PRDM15: variants seen among roughly 807,000 people sequenced by gnomAD.
PRDM15 encodes the protein PR/SET domain 15.
In PRDM15, 64 loss-of-function variants were observed where a neutral mutation model predicts 128.6. That is an observed-to-expected ratio of 0.50 (90% CI 0.41 to 0.61). PRDM15 has a LOEUF of 0.61. Among genes scored for constraint, PRDM15 ranks in the 20% least tolerant of loss-of-function variants. The probability of loss-of-function intolerance (pLI) is 0.00; values close to 1 mark genes in which losing one functional copy is unlikely to be tolerated. For missense variants in PRDM15, 1,242 were observed against 1,569.1 expected (o/e 0.79, Z 3.52); for synonymous variants, 615 against 621.8 (o/e 0.99, Z 0.16).
At chr21:41,863,289 C>G (rs2063887122) in intron 1 of PRDM15, 1 of 152,106 alleles carries the variant, frequency 6.6e-6, no homozygotes, top group South Asian at 2.1e-4. Flanking sequence ...GCAGTGCCAG[C>G]ACTGCTTGGG....
chr21:41,828,134 C>T lies in PRDM15; in HGVS notation c.1534+32G>A, dbSNP rs1257882457. ...CCCCACCCCGCAGGAGCTGCCTCTC[C>T]CCGCCCGCAGCAGGTGCGCAGGCGG... On this transcript the variant is annotated intron_variant, in intron 12 of 23. Transcript: ENST00000398548. This position sits in a 1 kb window ranked among gnomAD's most constrained non-coding sequence, Gnocchi z 5.7. 1.2e-6 allele frequency: 2 copies of T among 1,608,688 alleles called. No individual in the cohort carries two copies. The highest frequency in any genetic ancestry group is 3.3e-5 in the Admixed American group (2 of 59,978).
chr21:41,864,697 C>G (rs1412973467), intron 1 of PRDM15, among the ~76,000 whole-genome samples: 1 of 152,070 alleles, frequency 6.6e-6, no homozygotes, highest in African/African-American at 2.4e-5. Context: ...CTCCAGATAA[C>G]TCTTCCTCCT....
intron 18 of PRDM15, among the ~76,000 whole-genome samples, chr21:41,818,300 A>G (rs1459234841): frequency 6.6e-6 from 1 of 152,196 alleles, no homozygotes; most frequent in Admixed American, 6.5e-5. Flanking sequence ...CTGTCCCGCT[A>G]AGGCAGGCAG....
chr21:41,809,160 CAGTG>C (rs1280270633), intron 21 of PRDM15, among the ~76,000 whole-genome samples: 1 of 152,170 alleles, frequency 6.6e-6, no homozygotes, highest in Non-Finnish European at 1.5e-5. Flanking sequence ...GCGTGTTTCT[CAGTG>C]AGTGCTTGTT....
At chr21:41,858,553 C>T (rs937717335) in intron 3 of PRDM15, among the ~76,000 whole-genome samples, 2 of 150,626 alleles carry the variant, frequency 1.3e-5, no homozygotes, top group Non-Finnish European at 3.0e-5. Context: ...AGAGCACAGG[C>T]CTCTCCGACA....
At chr21:41,830,953 G>A (rs2062668380) in intron 11 of PRDM15, among the ~76,000 whole-genome samples, 1 of 151,728 alleles carries the variant, frequency 6.6e-6, no homozygotes, top group East Asian at 1.9e-4. Context: ...CCCTCGCCCT[G>A]CCCCCATCCA....
At chr21:41,806,062 ACCAT>A (rs2061575225) in intron 21 of PRDM15, among the ~76,000 whole-genome samples, 2 of 144,950 alleles carry the variant, frequency 1.4e-5, no homozygotes, top group African/African-American at 5.1e-5. Context: ...CACCACCATC[ACCAT>A]CACCACCACC....
At chr21:41,815,557 G>T in intron 19 of PRDM15, 148 bp downstream of exon 19, 2 of 1,058,646 alleles carry the variant, frequency 1.9e-6, no homozygotes, top group Non-Finnish European at 2.7e-6. Flanking sequence ...GCTCACCCCG[G>T]CCCCAGGAAG....
chr21:41,813,215 G>C (rs1422614672), intron 19 of PRDM15: 1 of 152,300 alleles, frequency 6.6e-6, no homozygotes, highest in African/African-American at 2.4e-5. Context: ...AGGGCTCACT[G>C]TGGAGCATGG....
intron 21 of PRDM15, among the ~76,000 whole-genome samples, chr21:41,806,519 C>T (rs1204446833): frequency 5.7e-5 from 1 of 17,436 alleles, no homozygotes; most frequent in Admixed American, 7.9e-4. Context: ...ATCACCACCA[C>T]CATCACCACC....
chr21:41,823,942 G>A (rs893886211), intron 13 of PRDM15, among the ~76,000 whole-genome samples: 2 of 152,272 alleles, frequency 1.3e-5, no homozygotes, highest in South Asian at 2.1e-4. Context: ...CATCCAATAC[G>A]CATCCAAGGG....
Position 41,862,027 on chromosome 21 carries a change from C to G in PRDM15, c.-9-1655G>C, listed in dbSNP as rs201032036. 1 of 1,589,408 alleles carries G rather than the reference C, an allele frequency of 6.3e-7. No homozygotes were observed. On this transcript the variant is annotated intron_variant, in intron 1 of 23. Coordinates refer to ENST00000398548, the MANE Select transcript of PRDM15 (RefSeq NM_001040424.3). This position sits in a 1 kb window ranked among gnomAD's most constrained non-coding sequence, Gnocchi z 4.1. ...CAGTTCCTGTGGATGGGCACCTCGGCGCAAATAGGGACCAGTCTGGGATGG... is the reference window on the plus strand; with the variant it reads ...CAGTTCCTGTGGATGGGCACCTCGGGGCAAATAGGGACCAGTCTGGGATGG...
At chr21:41,823,597 G>A in intron 13 of PRDM15, 148 bp from the exon 14 acceptor site, 1 of 785,684 alleles carries the variant, frequency 1.3e-6, no homozygotes, top group South Asian at 1.8e-5. Flanking sequence ...CTCAGTGTGT[G>A]AGAGACACAA....
intron 1 of PRDM15, among the ~76,000 whole-genome samples, chr21:41,874,519 A>G (rs1309718203): frequency 5.9e-5 from 3 of 50,614 alleles, no homozygotes; most frequent in Non-Finnish European, 9.0e-5. Context: ...ATATATATAT[A>G]TATATATTTT....
chr21:41,817,631 C>T (rs766886390), intron 18 of PRDM15, among the ~76,000 whole-genome samples: 2 of 152,108 alleles, frequency 1.3e-5, no homozygotes, highest in Admixed American at 6.5e-5. Flanking sequence ...ATGAATCGTA[C>T]GAAGGGCTTG....
chr21:41,863,490 C>T (rs954553140), intron 1 of PRDM15, among the ~76,000 whole-genome samples: 11 of 152,186 alleles, frequency 7.2e-5, no homozygotes, highest in East Asian at 5.8e-4. Context: ...TAACTAAACA[C>T]ACCTGCCATC....
intron 1 of PRDM15, among the ~76,000 whole-genome samples, chr21:41,868,671 T>A (rs1318576881): frequency 6.6e-6 from 1 of 151,048 alleles, no homozygotes; most frequent in African/African-American, 2.4e-5. Context: ...CTGCATCTTT[T>A]GCCCATTTTC....
chr21:41,876,083 A>G (rs2064404250), intron 1 of PRDM15, among the ~76,000 whole-genome samples: 1 of 152,242 alleles, frequency 6.6e-6, no homozygotes, highest in African/African-American at 2.4e-5. Flanking sequence ...AGAAAAGGTA[A>G]CGTAAAAAAT....
At chr21:41,804,255 C>T (rs1010138937) in intron 22 of PRDM15, among the ~76,000 whole-genome samples, 7 of 152,220 alleles carry the variant, frequency 4.6e-5, no homozygotes, top group Non-Finnish European at 8.8e-5. Context: ...TGAGCCACCG[C>T]GCCCAGCCAA....
Sources: gnomAD v4.1 joint callset for allele counts (sites outside exome capture counted in the v4.1 genomes callset) on GRCh38, gnomAD v4.1.1 for gene constraint, Gnocchi (gnomAD v3.1) non-coding constraint, MANE v1.5 for transcripts, NCBI Gene and HGNC (gene_info 2026-07-23, HGNC 2026-07-21) for gene names.